FAM178B: variants seen among roughly 807,000 people sequenced by gnomAD.
The protein encoded by FAM178B is protein FAM178B.
FAM178B carries 82 observed loss-of-function variants against 91.7 expected under a neutral mutation model. The observed-to-expected ratio is 0.89, with a 90% CI of 0.75 to 1.07. The LOEUF (loss-of-function observed/expected upper bound fraction) is 1.07, where lower values mean the gene tolerates loss of function less well. Ranked by LOEUF, FAM178B falls within the 50% of genes least tolerant of loss-of-function variation. FAM178B has a pLI of 0.00. For missense variants in FAM178B, 769 were observed against 846.7 expected, an observed-to-expected ratio of 0.91 and a Z score of 1.14; for synonymous variants, 368 against 359.4, an observed-to-expected ratio of 1.02 and a Z score of -0.27.
chr2:96,971,087 C>T (rs2082211010), intron 3 of FAM178B, among the ~76,000 whole-genome samples: 1 of 151,968 alleles, frequency 6.6e-6, no homozygotes, highest in Admixed American at 6.6e-5. Context: ...GCACACCACA[C>T]CACACAGCTT....
At chr2:96,891,895 G>T (rs915405734) in intron 14 of FAM178B, among the ~76,000 whole-genome samples, 2 of 152,204 alleles carry the variant, frequency 1.3e-5, no homozygotes, top group African/African-American at 4.8e-5. Context: ...GGGAAAGTAG[G>T]CATTTCCTCC....
At position 96,960,454 on chromosome 2, in the gene FAM178B, G is replaced by T; in HGVS notation, c.735-14C>A. On this transcript the variant is annotated splice_polypyrimidine_tract_variant and intron_variant, in intron 5 of 16. Coordinates refer to ENST00000490605, the MANE Select transcript of FAM178B (RefSeq NM_001122646.3). ...TCCACCAGCATCCTGGCAAGGCAAG[G>T]GGCAGGAGGGCCGGGCATCAGCAGA... is the stretch of plus-strand genomic sequence containing the variant. 1 of 1,527,972 alleles carries T rather than the reference G, an allele frequency of 6.5e-7. No homozygotes were observed. 94.7% of individuals were successfully genotyped at this position (1,527,972 alleles called of 1,614,324 possible). A position where few individuals can be genotyped will look rare whatever the true frequency, so the allele number is the denominator to read the frequency against.
intron 13 of FAM178B, chr2:96,897,953 C>T: frequency 1.0e-6 from 1 of 985,446 alleles, no homozygotes; most frequent in Non-Finnish European, 1.2e-6. Flanking sequence ...CCTTCAAGTT[C>T]AGTTCTCCAA....
chr2:96,900,037 CCTCA>C (rs1294537793), intron 13 of FAM178B, among the ~76,000 whole-genome samples: 2 of 151,902 alleles, frequency 1.3e-5, no homozygotes, highest in Non-Finnish European at 2.9e-5. Context: ...ACCAAGCTCT[CCTCA>C]CTCTATGCAC....
At chr2:96,951,148 G>A (rs1007205172) in intron 7 of FAM178B, among the ~76,000 whole-genome samples, 10 of 152,260 alleles carry the variant, frequency 6.6e-5, no homozygotes, top group Middle Eastern at 3.4e-3. Flanking sequence ...CCCAGCGCTC[G>A]CCGCTCTGGG....
intron 14 of FAM178B, among the ~76,000 whole-genome samples, chr2:96,886,957 G>A (rs2080538589): frequency 6.6e-6 from 1 of 152,228 alleles, no homozygotes; most frequent in Non-Finnish European, 1.5e-5. Context: ...GCTCACGCCT[G>A]TAATCCCAGC....
rs549974170 is a variant in FAM178B at position 96,986,570 on chromosome 2, C to G, written c.-257G>C. On this transcript the variant is annotated 5_prime_UTR_variant, in exon 1 of 17. Coordinates refer to ENST00000490605, the MANE Select transcript of FAM178B (RefSeq NM_001122646.3). ...CGCCGCCGCCAGCTGGGGAGCTCGCCGGCCAAGTGCGCACCCTCTTCCTGT... is the reference window on the plus strand; with the variant it reads ...CGCCGCCGCCAGCTGGGGAGCTCGCGGGCCAAGTGCGCACCCTCTTCCTGT... 7 of 487,750 alleles carry G rather than the reference C, an allele frequency of 1.4e-5. No individual in the cohort carries two copies. The highest frequency in any genetic ancestry group is 4.0e-5 in the East Asian group (1 of 24,950). 30.2% of individuals were successfully genotyped at this position (487,750 alleles called of 1,614,324 possible). A position where few individuals can be genotyped will look rare whatever the true frequency, so the allele number is the denominator to read the frequency against.
intron 3 of FAM178B, 131 bp downstream of exon 3, chr2:96,971,770 T>C (rs748250911): frequency 2.7e-5 from 23 of 848,200 alleles, no homozygotes; most frequent in Non-Finnish European, 3.4e-5. Context: ...TGAGCAGGGA[T>C]GGTCAAGGTG....
intron 13 of FAM178B, among the ~76,000 whole-genome samples, chr2:96,898,588 G>T (rs528334858): frequency 6.6e-6 from 1 of 152,122 alleles, no homozygotes; most frequent in Non-Finnish European, 1.5e-5. Flanking sequence ...AGGGAGGTTG[G>T]GGCTGCAGTG....
chr2:96,913,456 G>T (rs1172290923), intron 12 of FAM178B, among the ~76,000 whole-genome samples: 1 of 152,196 alleles, frequency 6.6e-6, no homozygotes, highest in Non-Finnish European at 1.5e-5. Flanking sequence ...GGGCCGGGCA[G>T]TGGTAAGGGG....
At chr2:96,916,151 G>C (rs778702435) in intron 12 of FAM178B, among the ~76,000 whole-genome samples, 51 of 152,160 alleles carry the variant, frequency 3.4e-4, no homozygotes, top group Non-Finnish European at 5.7e-4. Context: ...CCCAGAAAAC[G>C]ATCTAGCTTT....
chr2:96,893,875 T>A, intron 14 of FAM178B, 51 bp downstream of exon 14: 1 of 1,584,494 alleles, frequency 6.3e-7, no homozygotes, highest in Non-Finnish European at 8.6e-7. Flanking sequence ...CCCTGCTACC[T>A]GTGGTGGTGG....
intron 7 of FAM178B, among the ~76,000 whole-genome samples, chr2:96,949,797 G>A (rs1164231917): frequency 1.3e-5 from 2 of 152,228 alleles, no homozygotes; most frequent in African/African-American, 4.8e-5. Flanking sequence ...GCCTCACAGA[G>A]GACACCCAGG....
chr2:96,970,719 T>C lies in FAM178B; in HGVS notation c.623A>G (p.Lys208Arg). 1 of 1,551,156 alleles carries C rather than the reference T, an allele frequency of 6.4e-7. No homozygotes were observed. ...FNNLDYLLQE[K>R]REQALEQERE... Reference sequence around the variant, plus strand: ...ACAGGCCACGCCCTGTGCTCACCTCTTCTCCTGCAGTAAGTAGTCCAGGTT... The same window carrying C: ...ACAGGCCACGCCCTGTGCTCACCTCCTCTCCTGCAGTAAGTAGTCCAGGTT... Residue 208 changes from lysine (K) to arginine (R), a missense_variant, in exon 4 of 17, where the codon AAG (lysine) becomes AGG (arginine). By Grantham distance (26) the Lys-to-Arg change is conservative. Coordinates refer to ENST00000490605, the MANE Select transcript of FAM178B (RefSeq NM_001122646.3).
In FAM178B at chr2:96,921,648, C is replaced by T; in HGVS notation, c.1294G>A (p.Ala432Thr). ...ISLGHIYKFL[A>T]LCAQAQPGAY... ...CCCGGCTGGGCCTGGGCACACAGCG[C>T]CAGAAACTGGAGAGAGAAAAGAGGG... Residue 432 changes from alanine (A) to threonine (T), a missense_variant, in exon 11 of 17, where the codon GCG (alanine) becomes ACG (threonine). Coordinates refer to ENST00000490605, the MANE Select transcript of FAM178B (RefSeq NM_001122646.3). 1 of 1,551,284 alleles carries T rather than the reference C, an allele frequency of 6.4e-7. No individual in the cohort carries two copies. The highest frequency in any genetic ancestry group is 8.7e-7 in the Non-Finnish European group (1 of 1,146,968).
chr2:96,929,113 A>ATAC, intron 9 of FAM178B, 93 bp downstream of exon 9: 1 of 900,726 alleles, frequency 1.1e-6, no homozygotes, highest in Non-Finnish European at 1.8e-6. Context: ...AGCTATGATT[A>ATAC]TACCCCTGTA....
chr2:96,914,856 C>G, intron 12 of FAM178B, among the ~76,000 whole-genome samples: 1 of 152,310 alleles, frequency 6.6e-6, no homozygotes, highest in East Asian at 1.9e-4. Flanking sequence ...CACCACTGCA[C>G]TCCTGCCTCG....
At chr2:96,911,674 C>A (rs979625998) in intron 12 of FAM178B, among the ~76,000 whole-genome samples, 1 of 152,214 alleles carries the variant, frequency 6.6e-6, no homozygotes, top group African/African-American at 2.4e-5. Context: ...GTGGGATGCT[C>A]TGGCGGAAAT....
chr2:96,884,842 G>A (rs559953590), intron 14 of FAM178B, among the ~76,000 whole-genome samples: 1 of 152,340 alleles, frequency 6.6e-6, no homozygotes, highest in South Asian at 2.1e-4. Flanking sequence ...TGTTCCCAAA[G>A]GCAAGCTGAC....
Sources: gnomAD v4.1 joint callset for allele counts (sites outside exome capture counted in the v4.1 genomes callset) on GRCh38, gnomAD v4.1.1 for gene constraint, MANE v1.5 for transcripts, NCBI Gene and HGNC (gene_info 2026-07-23, HGNC 2026-07-21) for gene names.